VWA8: variants seen among roughly 807,000 people sequenced by gnomAD.
VWA8 encodes the protein von Willebrand factor A domain containing 8, also known as von Willebrand factor A domain-containing protein 8.
VWA8 carries 221 observed loss-of-function variants against 241.5 expected under a neutral mutation model. The ratio of observed to expected loss-of-function variants is 0.91; its 90% CI spans 0.82 to 1.02. The LOEUF (loss-of-function observed/expected upper bound fraction) is 1.02. Among genes scored for constraint, VWA8 ranks in the 50% least tolerant of loss-of-function variants. The probability of loss-of-function intolerance (pLI) is 0.00; values close to 1 mark genes in which losing one functional copy is unlikely to be tolerated. For missense variants in VWA8, 2,322 were observed against 2,328.7 expected (o/e 1.00, Z 0.06); for synonymous variants, 852 against 827.1 (o/e 1.03, Z -0.52).
intron 41 of VWA8, among the ~76,000 whole-genome samples, chr13:41,588,600 A>G (rs1304051688): frequency 1.3e-5 from 2 of 151,930 alleles, no homozygotes; most frequent in Non-Finnish European, 2.9e-5. Context: ...ATGTGCCTAT[A>G]TTCCCAGCTA....
At chr13:41,588,873 A>C (rs1439746209) in intron 41 of VWA8, among the ~76,000 whole-genome samples, 1 of 152,236 alleles carries the variant, frequency 6.6e-6, no homozygotes, top group Non-Finnish European at 1.5e-5. Context: ...CAAATTCAAC[A>C]TATTTCTTAA....
At chr13:41,610,289 T>C (rs1298186349) in intron 39 of VWA8, among the ~76,000 whole-genome samples, 1 of 152,216 alleles carries the variant, frequency 6.6e-6, no homozygotes, top group African/African-American at 2.4e-5. Flanking sequence ...CTACCCTTTT[T>C]TGAGAGGCAT....
Position 41,567,005 on chromosome 13 carries a change from G to T in VWA8, c.*1192C>A, listed in dbSNP as rs748376101. 2 of 152,110 alleles carry T rather than the reference G, an allele frequency of 1.3e-5. No individual in the cohort carries two copies. Among genetic ancestry groups the T allele is most frequent in the Non-Finnish European group, 2.9e-5 (2 of 68,026 alleles). The allele number at this position is 152,110 out of a possible 1,614,324, so 9.4% of individuals were successfully genotyped here. ...GGATAGGATAATATTATTAATAATA[G>T]TTTTTCCAACTTAAGACCAGTTTTT... is the stretch of plus-strand genomic sequence containing the variant. On this transcript the variant is annotated 3_prime_UTR_variant, in exon 45 of 45. Transcript: ENST00000379310.
intron 37 of VWA8, among the ~76,000 whole-genome samples, chr13:41,633,056 C>T (rs530673379): frequency 1.3e-5 from 2 of 152,262 alleles, no homozygotes; most frequent in African/African-American, 2.4e-5. Context: ...GGCTCCGATA[C>T]AGAGTATGAA....
At chr13:41,836,188 C>T (rs755924999) in intron 12 of VWA8, among the ~76,000 whole-genome samples, 8 of 151,768 alleles carry the variant, frequency 5.3e-5, no homozygotes, top group Non-Finnish European at 8.8e-5. Context: ...AAAAGATATA[C>T]AAAATGCACA....
chr13:41,873,352 T>C (rs9740468), intron 9 of VWA8, among the ~76,000 whole-genome samples: 34,442 of 151,658 alleles, frequency 0.23, 3,978 homozygotes, highest in East Asian at 0.29. Context: ...CTGAAGGAAA[T>C]TGAGACACAA....
chr13:41,888,318 G>A (rs1013573729), intron 5 of VWA8, among the ~76,000 whole-genome samples: 4 of 152,096 alleles, frequency 2.6e-5, no homozygotes, highest in Admixed American at 6.5e-5. Flanking sequence ...AAACGTCCAC[G>A]GCTTTCAGCA....
intron 20 of VWA8, 91 bp downstream of exon 20, chr13:41,777,894 A>G: frequency 1.7e-6 from 2 of 1,162,730 alleles, no homozygotes; most frequent in Non-Finnish European, 2.4e-6. Flanking sequence ...AATAGGGGAA[A>G]AAATAACTGA....
At chr13:41,695,942 T>C (rs1256795123) in intron 29 of VWA8, 3 of 152,236 alleles carry the variant, frequency 2.0e-5, no homozygotes, top group African/African-American at 7.2e-5. Context: ...AGAATTTGTG[T>C]ATGTAAATTT....
chr13:41,774,837 T>C (rs1472857769), intron 20 of VWA8, among the ~76,000 whole-genome samples: 1 of 152,168 alleles, frequency 6.6e-6, no homozygotes, highest in Non-Finnish European at 1.5e-5. Flanking sequence ...ATATCACACA[T>C]ATCAATTTAC....
chr13:41,876,693 G>A (rs1473922367), intron 9 of VWA8, among the ~76,000 whole-genome samples: 1 of 152,138 alleles, frequency 6.6e-6, no homozygotes, highest in African/African-American at 2.4e-5. Context: ...TGATTGGATG[G>A]AAGGATGGAT....
rs1491104127 is a variant in VWA8 at position 41,881,371 on chromosome 13, C to CGGGGGG, written c.1080+2015_1080+2016insCCCCCC. Among the ~76,000 whole-genome samples, 16 of 10,966 alleles carry CGGGGGG rather than the reference C, an allele frequency of 1.5e-3. 2 individuals carry two copies. Among genetic ancestry groups the CGGGGGG allele is most frequent in the Non-Finnish European group, 2.2e-3 (11 of 5,106 alleles). 7.2% of individuals were successfully genotyped at this position (10,966 alleles called of 152,430 possible). On this transcript the variant is annotated intron_variant, in intron 9 of 44. Coordinates refer to ENST00000379310, the MANE Select transcript of VWA8 (RefSeq NM_015058.2). Reference sequence around the variant, plus strand: ...ACTAGAACATCATAGTTTTTTTTTGCCGGGGGGGGGGGGGGGGGGGTAAGG... The same window carrying CGGGGGG: ...ACTAGAACATCATAGTTTTTTTTTGCGGGGGGCGGGGGGGGGGGGGGGGGGGTAAGG...
intron 26 of VWA8, among the ~76,000 whole-genome samples, chr13:41,708,574 G>A (rs1363908704): frequency 6.6e-6 from 1 of 152,164 alleles, no homozygotes; most frequent in African/African-American, 2.4e-5. Context: ...TGCAAATGAT[G>A]TATACCTGAG....
chr13:41,609,271 T>C (rs577895183), intron 39 of VWA8, among the ~76,000 whole-genome samples: 16 of 152,330 alleles, frequency 1.1e-4, no homozygotes, highest in African/African-American at 3.8e-4. Context: ...GCATCAATGG[T>C]GGGAACCGAC....
In VWA8 at chr13:41,872,811, A is replaced by G. The variant is rs1233643600; in HGVS notation, c.1081-4334T>C. 2.6e-5 allele frequency among the ~76,000 whole-genome samples: 4 copies of G among 152,276 alleles called. No individual in the cohort carries two copies. In the East Asian group the frequency reaches 5.8e-4, roughly 22 times the overall value. ...GTGGGCCCTTTTTTGGTTCCATATG[A>G]ACTTTAAAGTAGTTTTTTCCAATTC... is the stretch of plus-strand genomic sequence containing the variant. On this transcript the variant is annotated intron_variant, in intron 9 of 44. Coordinates refer to ENST00000379310, the MANE Select transcript of VWA8 (RefSeq NM_015058.2).
chr13:41,790,948 G>A (rs1396555904), intron 17 of VWA8, among the ~76,000 whole-genome samples: 3 of 151,656 alleles, frequency 2.0e-5, no homozygotes, highest in Admixed American at 2.0e-4. Context: ...ACAAAAAAAA[G>A]CCCAACTAAT....
intron 9 of VWA8, among the ~76,000 whole-genome samples, chr13:41,875,583 A>G (rs746445356): frequency 5.9e-5 from 9 of 152,020 alleles, no homozygotes; most frequent in Non-Finnish European, 1.2e-4. Context: ...CCACTCTACT[A>G]ACACTGATCT....
In VWA8 at chr13:41,692,888, G is replaced by A; in HGVS notation, c.3649C>T (p.Pro1217Ser). Residue 1217 changes from proline (P) to serine (S), a missense_variant, in exon 30 of 45, where the codon CCT (proline) becomes TCT (serine). By Grantham distance (74) the Pro-to-Ser change is moderately conservative. Transcript: ENST00000379310. ...LPSEKFTSKK[P>S]FWWNKEEAET... ...GCTTCTTCTTTGTTCCACCAGAAAG[G>A]TTTCTTAGATGTAAACTTCTCGGAA... The A allele has an allele frequency of 6.2e-7, 1 of 1,611,156 alleles. No individual in the cohort carries two copies. Among genetic ancestry groups the A allele is most frequent in the Non-Finnish European group, 8.5e-7 (1 of 1,178,152 alleles).
In VWA8 at chr13:41,830,613, T is replaced by A; in HGVS notation, c.1616A>T (p.Tyr539Phe). Residue 539 changes from tyrosine (Y) to phenylalanine (F), a missense_variant, in exon 14 of 45, where the codon TAT (tyrosine) becomes TTT (phenylalanine). Tyr to Phe is a conservative substitution (Grantham distance 22). Coordinates refer to ENST00000379310, the MANE Select transcript of VWA8 (RefSeq NM_015058.2). ...RLIHDRELSLYDGSRLLREDR... is the reference protein window; with the variant it reads ...RLIHDRELSLFDGSRLLREDR... Reference sequence around the variant, plus strand: ...TTCTCTCAGCAGCCTAGAACCATCATAGAGGCTTAGCTCTCGATCATGGAT... The same window carrying A: ...TTCTCTCAGCAGCCTAGAACCATCAAAGAGGCTTAGCTCTCGATCATGGAT... The A allele has an allele frequency of 6.2e-7, 1 of 1,613,714 alleles. No individual in the cohort carries two copies.
Sources: gnomAD v4.1 joint callset for allele counts (sites outside exome capture counted in the v4.1 genomes callset) on GRCh38, gnomAD v4.1.1 for gene constraint, MANE v1.5 for transcripts, NCBI Gene and HGNC (gene_info 2026-07-23, HGNC 2026-07-21) for gene names.